ALDH3A2: variants seen among roughly 807,000 people sequenced by gnomAD.
ALDH3A2 encodes aldehyde dehydrogenase family 3 member A2.
ALDH3A2 carries 36 observed loss-of-function variants against 51.3 expected under a neutral mutation model. The observed-to-expected ratio is 0.70, with a 90% confidence interval of 0.54 to 0.93. The LOEUF is 0.93. Ranked by LOEUF, ALDH3A2 falls within the 40% of genes least tolerant of loss-of-function variation. The probability of loss-of-function intolerance (pLI) is 0.00; values close to 1 mark genes in which losing one functional copy is unlikely to be tolerated. For synonymous variants in ALDH3A2, 199 were observed against 219.8 expected (o/e 0.91, Z 0.84); for missense variants, 552 against 603.1 (o/e 0.92, Z 0.89).
Position 19,672,317 on chromosome 17 carries a change from C to T in ALDH3A2, c.1443+361C>T, listed in dbSNP as rs533583615. Reference sequence around the variant, plus strand: ...CTGAGCTGTCTGATCAAAGGGTTAGCCCTTTGATCCTTTTGGTATTGGACT... The same window carrying T: ...CTGAGCTGTCTGATCAAAGGGTTAGTCCTTTGATCCTTTTGGTATTGGACT... On this transcript the variant is annotated intron_variant, in intron 9 of 9. Coordinates refer to ENST00000176643, the MANE Select transcript of ALDH3A2 (RefSeq NM_000382.3). 223 of 296,990 alleles carry T rather than the reference C, an allele frequency of 7.5e-4. 1 individual carries two copies. The highest frequency in any genetic ancestry group is 1.2e-3 in the Non-Finnish European group (189 of 156,054). The allele number at this position is 296,990 out of a possible 1,614,324, so 18.4% of individuals were successfully genotyped here. A position where few individuals can be genotyped will look rare whatever the true frequency, so the allele number is the denominator to read the frequency against.
At chr17:19,656,998 A>C (rs1241664029) in intron 4 of ALDH3A2, among the ~76,000 whole-genome samples, 1 of 152,228 alleles carries the variant, frequency 6.6e-6, no homozygotes, top group Non-Finnish European at 1.5e-5. Context: ...AGTGTTCCTC[A>C]TTTTTTAACT....
intron 7 of ALDH3A2, among the ~76,000 whole-genome samples, chr17:19,664,192 G>T (rs2085005148): frequency 6.6e-6 from 1 of 152,212 alleles, no homozygotes; most frequent in Non-Finnish European, 1.5e-5. Flanking sequence ...AATGTGTGGG[G>T]CTCAGTAAAG....
chr17:19,675,692 G>T lies in ALDH3A2; in HGVS notation c.*120G>T. The T allele has an allele frequency of 8.5e-7, 1 of 1,180,230 alleles. No homozygotes were observed. Among genetic ancestry groups the T allele is most frequent in the Non-Finnish European group, 1.3e-6 (1 of 791,604 alleles). The allele number at this position is 1,180,230 out of a possible 1,614,324, so 73.1% of individuals were successfully genotyped here. ...GTAAGAAAATATGCAAACACTCTGTGATCAAACTTAAAAGTCATTGCCATT... is the reference window on the plus strand; with the variant it reads ...GTAAGAAAATATGCAAACACTCTGTTATCAAACTTAAAAGTCATTGCCATT... On this transcript the variant is annotated 3_prime_UTR_variant, in exon 10 of 10. Transcript: ENST00000176643.
chr17:19,666,809 AT>A (rs2085044200), intron 8 of ALDH3A2, among the ~76,000 whole-genome samples: 2 of 149,654 alleles, frequency 1.3e-5, no homozygotes, highest in Non-Finnish European at 3.0e-5. Context: ...AAATAAATAA[AT>A]AAATAAAAAT....
intron 7 of ALDH3A2, among the ~76,000 whole-genome samples, chr17:19,664,148 A>T (rs1267172026): frequency 6.6e-6 from 1 of 152,222 alleles, no homozygotes; most frequent in Non-Finnish European, 1.5e-5. Context: ...GACTATTGAG[A>T]TACAGATAGC....
In ALDH3A2 at chr17:19,654,348, C is replaced by T. The variant is rs1022978241; in HGVS notation, c.471+1716C>T. 1.6e-4 allele frequency among the ~76,000 whole-genome samples: 24 copies of T among 152,364 alleles called. No individual in the cohort carries two copies. Among genetic ancestry groups the T allele is most frequent in the African/African-American group, 4.1e-4 (17 of 41,586 alleles). On this transcript the variant is annotated intron_variant, in intron 3 of 9. Transcript: ENST00000176643. This position sits in a 1 kb window ranked among gnomAD's most constrained non-coding sequence, Gnocchi z 4.5. Reference sequence around the variant, plus strand: ...CCCTTGGGCGGTCGATGGGACTGGGCGCTGTGGAGCAGGGGGCGGCGCCCA... The same window carrying T: ...CCCTTGGGCGGTCGATGGGACTGGGTGCTGTGGAGCAGGGGGCGGCGCCCA...
At position 19,671,705 on chromosome 17, in the gene ALDH3A2, G is replaced by A. The variant is rs1017601365; in HGVS notation, c.1208-16G>A. Reference sequence around the variant, plus strand: ...ATCTACAGTGAAGCTTGTTTTGTCTGTTCCCTTTATTTCAGGTTCCAGTGG... The same window carrying A: ...ATCTACAGTGAAGCTTGTTTTGTCTATTCCCTTTATTTCAGGTTCCAGTGG... On this transcript the variant is annotated splice_polypyrimidine_tract_variant and intron_variant, in intron 8 of 9. Coordinates refer to ENST00000176643, the MANE Select transcript of ALDH3A2 (RefSeq NM_000382.3). 10 of 1,604,784 alleles carry A rather than the reference G, an allele frequency of 6.2e-6. 1 individual carries two copies. The Admixed American group carries it at 1.7e-4, about 27-fold the overall frequency.
chr17:19,675,075 C>G (rs1487012436), intron 9 of ALDH3A2: 3 of 157,402 alleles, frequency 1.9e-5, no homozygotes, highest in Non-Finnish European at 4.2e-5. Context: ...TTTCATTAGG[C>G]CTTTGACAAC....
chr17:19,671,588 T>A, intron 8 of ALDH3A2, 133 bp from the exon 9 acceptor site: 1 of 799,674 alleles, frequency 1.3e-6, no homozygotes, highest in Non-Finnish European at 2.2e-6. Context: ...AAAGAGATAC[T>A]TCAGCTGGCA....
intron 3 of ALDH3A2, 57 bp downstream of exon 3, chr17:19,652,689 T>G: frequency 7.0e-7 from 1 of 1,421,540 alleles, no homozygotes. Flanking sequence ...AACACACATT[T>G]TATTTTCTTG....
intron 4 of ALDH3A2, 90 bp from the exon 5 acceptor site, chr17:19,657,655 G>T: frequency 2.0e-6 from 2 of 995,162 alleles, no homozygotes. Flanking sequence ...ATCTATTTTA[G>T]TTGCAAGACA....
At position 19,671,947 on chromosome 17, in the gene ALDH3A2, G is replaced by A. The variant is rs778395539; in HGVS notation, c.1434G>A (p.Val478=). The A allele has an allele frequency of 1.2e-6, 2 of 1,614,054 alleles. No individual in the cohort carries two copies. The highest frequency in any genetic ancestry group is 1.7e-6 in the Non-Finnish European group (2 of 1,179,938). The change falls in exon 9 of 10, where the codon GTG becomes GTA. Residue 478 remains valine (V), a synonymous_variant. Coordinates refer to ENST00000176643, the MANE Select transcript of ALDH3A2 (RefSeq NM_000382.3). ...LLTFLGIVAA[V]LVKAEYY ...CTTTCCTGGGTATTGTAGCCGCTGT[G>A]CTTGTCAAGGTGAGTCCCTATAACC... is the stretch of plus-strand genomic sequence containing the variant.
intron 4 of ALDH3A2, among the ~76,000 whole-genome samples, chr17:19,656,849 G>A (rs895972939): frequency 6.6e-6 from 1 of 152,166 alleles, no homozygotes; most frequent in African/African-American, 2.4e-5. Context: ...GATCTAGCAA[G>A]AAATTTTAAC....
intron 3 of ALDH3A2, 144 bp downstream of exon 3, chr17:19,652,776 T>G: frequency 1.4e-6 from 1 of 724,882 alleles, no homozygotes; most frequent in South Asian, 1.5e-5. Flanking sequence ...GCAAAAGAAG[T>G]TCGGTTCCAA....
chr17:19,670,814 G>T (rs2085103042), intron 8 of ALDH3A2, among the ~76,000 whole-genome samples: 1 of 152,130 alleles, frequency 6.6e-6, no homozygotes, highest in Admixed American at 6.5e-5. Context: ...ACCCGCCTTG[G>T]CCTCCCAAAG....
intron 1 of ALDH3A2, chr17:19,649,483 TTTTC>T (rs1004414751): frequency 3.7e-4 from 25 of 68,120 alleles, no homozygotes; most frequent in Admixed American, 8.5e-4. Flanking sequence ...GGTTTCTTTC[TTTTC>T]TTTTTTTTTA....
chr17:19,662,375 G>A (rs1199182527), intron 6 of ALDH3A2, among the ~76,000 whole-genome samples: 4 of 152,200 alleles, frequency 2.6e-5, no homozygotes, highest in Non-Finnish European at 2.9e-5. Flanking sequence ...TGGAAGTGGT[G>A]CTGCAAGAAG....
Position 19,676,712 on chromosome 17 carries a change from G to C in ALDH3A2, c.*1140G>C, listed in dbSNP as rs979407157. ...TATAAACATACTAATCCTCTTTCAG[G>C]ACCCTAAAGTTGCAGGTTAGTAGGT... On this transcript the variant is annotated 3_prime_UTR_variant, in exon 10 of 10. Transcript: ENST00000176643. 1 of 152,138 alleles carries C rather than the reference G, an allele frequency of 6.6e-6. No individual in the cohort carries two copies. The highest frequency in any genetic ancestry group is 1.5e-5 in the Non-Finnish European group (1 of 68,042). 9.4% of individuals were successfully genotyped at this position (152,138 alleles called of 1,614,324 possible). A position where few individuals can be genotyped will look rare whatever the true frequency, so the allele number is the denominator to read the frequency against.
At chr17:19,668,600 G>GA (rs1163279992) in intron 8 of ALDH3A2, among the ~76,000 whole-genome samples, 1 of 149,658 alleles carries the variant, frequency 6.7e-6, no homozygotes, top group Admixed American at 6.7e-5. Flanking sequence ...AGTAGGCTTA[G>GA]AAAAGCTTTC....
Sources: gnomAD v4.1 joint callset for allele counts (sites outside exome capture counted in the v4.1 genomes callset) on GRCh38, gnomAD v4.1.1 for gene constraint, Gnocchi (gnomAD v3.1) non-coding constraint, MANE v1.5 for transcripts, NCBI Gene and HGNC (gene_info 2026-07-23, HGNC 2026-07-21) for gene names.